The following AGBL1 variants were observed in gnomAD, a reference collection of about 807,000 sequenced individuals.
AGBL1 encodes the protein cytosolic carboxypeptidase 4.
A neutral mutation model predicts 118.9 loss-of-function variants in AGBL1; 130 were observed. That is an observed-to-expected ratio of 1.09 (90% CI 0.95 to 1.26). The LOEUF is 1.26. Ranked by LOEUF, AGBL1 falls within the 50% of genes most tolerant of loss-of-function variation. The probability of loss-of-function intolerance (pLI) is 0.00; values close to 1 mark genes in which losing one functional copy is unlikely to be tolerated. For missense variants in AGBL1, 1,584 were observed against 1,298.1 expected, an observed-to-expected ratio of 1.22 and a Z score of -3.38; for synonymous variants, 555 against 478.9, an observed-to-expected ratio of 1.16 and a Z score of -2.08.
chr15:86,790,345 C>A (rs2078473465), intron 22 of AGBL1, among the ~76,000 whole-genome samples: 1 of 118,396 alleles, frequency 8.4e-6, no homozygotes, highest in African/African-American at 3.2e-5. Context: ...GTCCTTCAAA[C>A]ACACACACAC....
intron 22 of AGBL1, among the ~76,000 whole-genome samples, chr15:86,745,105 C>G (rs769641263): frequency 6.6e-6 from 1 of 151,946 alleles, no homozygotes; most frequent in African/African-American, 2.4e-5. Context: ...ATATGTAGCA[C>G]CAAAATACAC....
rs532528287 is a variant in AGBL1 at position 86,595,268 on chromosome 15, T to C, written c.2994+40731T>C. 1.1e-4 allele frequency among the ~76,000 whole-genome samples: 17 copies of C among 152,316 alleles called. No homozygotes were observed. The East Asian group carries it at 2.5e-3, about 22-fold the overall frequency. On this transcript the variant is annotated intron_variant, in intron 21 of 22. Coordinates refer to ENST00000614907, the MANE Select transcript of AGBL1 (RefSeq NM_001386094.1). ...TATATCTCCAGCTTGGATCTTTTTT[T>C]CTAACCCCAGACCTAAAAGTCTAAC...
intron 21 of AGBL1, among the ~76,000 whole-genome samples, chr15:86,557,751 T>C (rs2083755520): frequency 6.6e-6 from 1 of 152,192 alleles, no homozygotes; most frequent in South Asian, 2.1e-4. Context: ...TTCTTTTTTT[T>C]ATACTCAATG....
chr15:86,199,207 A>G (rs1036135436), intron 5 of AGBL1, among the ~76,000 whole-genome samples: 1 of 152,104 alleles, frequency 6.6e-6, no homozygotes, highest in African/African-American at 2.4e-5. Context: ...TATAAAGGTT[A>G]TATAGATAGA....
chr15:86,759,123 C>T (rs956741215), intron 22 of AGBL1, among the ~76,000 whole-genome samples: 8 of 151,934 alleles, frequency 5.3e-5, no homozygotes, highest in East Asian at 1.9e-4. Context: ...CCATCAGTTC[C>T]GAACTCTGTA....
intron 17 of AGBL1, among the ~76,000 whole-genome samples, chr15:86,299,508 AAC>A (rs1435850191): frequency 6.6e-6 from 1 of 152,090 alleles, no homozygotes; most frequent in African/African-American, 2.4e-5. Context: ...AGTGAGGAGG[AAC>A]ACACAGAATC....
intron 17 of AGBL1, among the ~76,000 whole-genome samples, chr15:86,365,438 A>T (rs934602366): frequency 1.3e-5 from 2 of 152,098 alleles, no homozygotes; most frequent in Admixed American, 1.3e-4. Context: ...CTTGCTGTAG[A>T]TCTCCATGTC....
chr15:86,267,426 T>C (rs1008981930), intron 13 of AGBL1, among the ~76,000 whole-genome samples: 1 of 152,224 alleles, frequency 6.6e-6, no homozygotes, highest in Non-Finnish European at 1.5e-5. Flanking sequence ...GGGATGTTTA[T>C]ACTTTGATGC....
chr15:86,453,816 G>GA (rs879662772), intron 18 of AGBL1, among the ~76,000 whole-genome samples: 16 of 151,558 alleles, frequency 1.1e-4, no homozygotes, highest in Admixed American at 2.6e-4. Context: ...TTACCCATTG[G>GA]AAAAAAAATA....
chr15:86,441,297 T>A (rs192012800), intron 18 of AGBL1, among the ~76,000 whole-genome samples: 430 of 152,194 alleles, frequency 2.8e-3, no homozygotes, highest in African/African-American at 9.5e-3. Context: ...CTTACTTTTT[T>A]TAAAAAAAAT....
At chr15:86,199,145 A>T (rs184281087) in intron 5 of AGBL1, among the ~76,000 whole-genome samples, 119 of 152,290 alleles carry the variant, frequency 7.8e-4, no homozygotes, top group African/African-American at 2.9e-3. Context: ...ACTTACTGTT[A>T]TACAAGTTGT....
intron 22 of AGBL1, among the ~76,000 whole-genome samples, chr15:86,867,608 C>T (rs1188627923): frequency 2.6e-5 from 4 of 152,048 alleles, no homozygotes; most frequent in African/African-American, 9.7e-5. Context: ...GTGAGTGAAC[C>T]TGTGAGGCGG....
At chr15:86,884,881 A>G (rs2079948295) in intron 22 of AGBL1, among the ~76,000 whole-genome samples, 1 of 152,148 alleles carries the variant, frequency 6.6e-6, no homozygotes, top group Non-Finnish European at 1.5e-5. Flanking sequence ...GTCTCACAAA[A>G]TGCCTCTCAG....
intron 22 of AGBL1, among the ~76,000 whole-genome samples, chr15:86,693,200 C>T (rs934391897): frequency 6.6e-6 from 1 of 152,036 alleles, no homozygotes; most frequent in Non-Finnish European, 1.5e-5. Flanking sequence ...TTTCCATAGT[C>T]GTTGTACTAG....
At chr15:86,765,499 G>A (rs1475773666) in intron 22 of AGBL1, among the ~76,000 whole-genome samples, 2 of 151,906 alleles carry the variant, frequency 1.3e-5, no homozygotes, top group South Asian at 2.1e-4. Context: ...AAGACACATC[G>A]TGGAGAAAGG....
intron 23 of AGBL1, among the ~76,000 whole-genome samples, chr15:86,943,674 G>A (rs774151470): frequency 2.6e-5 from 4 of 152,210 alleles, no homozygotes; most frequent in African/African-American, 4.8e-5. Flanking sequence ...GAAGAAAAAG[G>A]AAGAGGGAAC....
chr15:86,547,004 C>A (rs1208969016), intron 20 of AGBL1, among the ~76,000 whole-genome samples: 2 of 152,110 alleles, frequency 1.3e-5, no homozygotes, highest in Non-Finnish European at 2.9e-5. Flanking sequence ...TAAAAATCCA[C>A]CAAGTCACCA....
intron 18 of AGBL1, among the ~76,000 whole-genome samples, chr15:86,446,662 A>T (rs964079532): frequency 6.6e-6 from 1 of 152,188 alleles, no homozygotes; most frequent in African/African-American, 2.4e-5. Flanking sequence ...AGGAGGATAG[A>T]TTTCGACTCC....
At chr15:86,630,900 A>G (rs2084952414) in intron 21 of AGBL1, among the ~76,000 whole-genome samples, 1 of 152,218 alleles carries the variant, frequency 6.6e-6, no homozygotes, top group Non-Finnish European at 1.5e-5. Flanking sequence ...AACAGATAAC[A>G]TGAGGAGGTG....
Sources: allele counts gnomAD v4.1 joint callset (sites outside exome capture counted in the v4.1 genomes callset), GRCh38; gene constraint gnomAD v4.1.1; transcripts MANE v1.5; gene names NCBI Gene and HGNC (gene_info 2026-07-23, HGNC 2026-07-21).